The following SLC25A48 variants were observed in gnomAD, a reference collection of about 807,000 sequenced individuals.
SLC25A48 encodes CTC-321K16.1.
In SLC25A48, 29 loss-of-function variants were observed where a neutral mutation model predicts 32.2. That is an observed-to-expected ratio of 0.90 (90% confidence interval 0.67 to 1.23). SLC25A48 has a LOEUF of 1.23. Among genes scored for constraint, SLC25A48 ranks in the 50% most tolerant of loss-of-function variants. The pLI is 0.00. For missense variants in SLC25A48, 399 were observed against 422.7 expected (o/e 0.94, Z 0.49); for synonymous variants, 164 against 172.3 (o/e 0.95, Z 0.38).
intron 4 of SLC25A48, among the ~76,000 whole-genome samples, chr5:135,819,316 T>C (rs1319344561): frequency 2.6e-5 from 4 of 152,120 alleles, no homozygotes; most frequent in Non-Finnish European, 5.9e-5. Context: ...CTGTTACCAC[T>C]TACAAAGCTT....
At chr5:135,776,833 C>T (rs1343072965) in intron 3 of SLC25A48, among the ~76,000 whole-genome samples, 3 of 151,632 alleles carry the variant, frequency 2.0e-5, no homozygotes, top group Admixed American at 2.0e-4. Context: ...TCATACTACT[C>T]CCAATATCAA....
At chr5:135,794,545 G>A (rs963899712) in intron 3 of SLC25A48, among the ~76,000 whole-genome samples, 9 of 151,796 alleles carry the variant, frequency 5.9e-5, no homozygotes, top group East Asian at 1.9e-4. Flanking sequence ...CAGGGGAAAA[G>A]AAGATGATAT....
intron 3 of SLC25A48, among the ~76,000 whole-genome samples, chr5:135,852,094 G>C (rs1245856791): frequency 6.6e-6 from 1 of 152,202 alleles, no homozygotes; most frequent in East Asian, 1.9e-4. Flanking sequence ...CCCAGATTAT[G>C]AGCTCAGTGA....
intron 3 of SLC25A48, among the ~76,000 whole-genome samples, chr5:135,687,879 T>TC (rs1382136354): frequency 6.6e-6 from 1 of 152,202 alleles, no homozygotes; most frequent in Non-Finnish European, 1.5e-5. Context: ...GGGTCTTTTT[T>TC]CCCAATTATT....
intron 3 of SLC25A48, among the ~76,000 whole-genome samples, chr5:135,737,052 C>A (rs564269663): frequency 6.6e-6 from 1 of 152,158 alleles, no homozygotes; most frequent in African/African-American, 2.4e-5. Flanking sequence ...ATTGATCTCC[C>A]GAGGGAGGTC....
At chr5:135,634,273 G>A (rs1293050723) in intron 2 of SLC25A48, among the ~76,000 whole-genome samples, 2 of 152,200 alleles carry the variant, frequency 1.3e-5, no homozygotes, top group Non-Finnish European at 2.9e-5. Context: ...GGTCCATCCT[G>A]CAACCCAGTG....
chr5:135,650,328 G>C (rs1356706770), intron 3 of SLC25A48: 2 of 440,720 alleles, frequency 4.5e-6, no homozygotes, highest in Non-Finnish European at 9.1e-6. Flanking sequence ...TACACTCCAA[G>C]CTCACTTAGT....
At chr5:135,858,518 G>A (rs1760518915) in intron 4 of SLC25A48, among the ~76,000 whole-genome samples, 4 of 152,222 alleles carry the variant, frequency 2.6e-5, no homozygotes, top group Admixed American at 1.3e-4. Flanking sequence ...AATGCTAGGA[G>A]CTTGGCATAT....
At chr5:135,835,180 C>G (rs1758392814) in intron 1 of SLC25A48, 2 of 640,774 alleles carry the variant, frequency 3.1e-6, no homozygotes, top group Admixed American at 2.1e-5. Context: ...TCAAAGCCCA[C>G]AGCCAATGGA....
intron 3 of SLC25A48, among the ~76,000 whole-genome samples, chr5:135,787,159 C>T (rs1212320786): frequency 1.3e-5 from 2 of 151,348 alleles, no homozygotes; most frequent in African/African-American, 2.4e-5. Flanking sequence ...TGATATTATT[C>T]ATATAATTAC....
At chr5:135,625,638 A>C (rs1327458287) in intron 1 of SLC25A48, among the ~76,000 whole-genome samples, 3 of 152,146 alleles carry the variant, frequency 2.0e-5, no homozygotes, top group Non-Finnish European at 1.5e-5. Flanking sequence ...TTTGGTATGC[A>C]TCTGCTCCCA....
intron 3 of SLC25A48, among the ~76,000 whole-genome samples, chr5:135,666,225 G>A (rs1175402843): frequency 1.3e-5 from 2 of 152,124 alleles, no homozygotes; most frequent in Non-Finnish European, 2.9e-5. Flanking sequence ...CCACAAAGTG[G>A]GGGAAACAGC....
chr5:135,637,208 T>C (rs964653463), intron 3 of SLC25A48, among the ~76,000 whole-genome samples: 6 of 152,148 alleles, frequency 3.9e-5, no homozygotes, highest in African/African-American at 1.4e-4. Flanking sequence ...GTTCTGAAAA[T>C]GGTGAAACAA....
intron 3 of SLC25A48, among the ~76,000 whole-genome samples, chr5:135,767,386 T>C (rs1756269986): frequency 6.6e-6 from 1 of 151,958 alleles, no homozygotes; most frequent in African/African-American, 2.4e-5. Context: ...ACTCCCCATA[T>C]TGCGGGCGGT....
At chr5:135,842,282 T>G in intron 1 of SLC25A48, 134 bp from the exon 2 acceptor site, 1 of 857,856 alleles carries the variant, frequency 1.2e-6, no homozygotes, top group Non-Finnish European at 2.0e-6. Context: ...GCCTAGCACA[T>G]TGGAGCCCAC....
intron 3 of SLC25A48, among the ~76,000 whole-genome samples, chr5:135,798,209 G>A (rs1436014515): frequency 6.6e-6 from 1 of 151,626 alleles, no homozygotes; most frequent in Non-Finnish European, 1.5e-5. Flanking sequence ...CTAGGGTGGG[G>A]AGAAGATAAC....
At chr5:135,748,513 A>T (rs563796767) in intron 3 of SLC25A48, among the ~76,000 whole-genome samples, 1 of 152,114 alleles carries the variant, frequency 6.6e-6, no homozygotes, top group South Asian at 2.1e-4. Context: ...ACCTCAGTTG[A>T]TCCGCCTGCC....
chr5:135,798,420 A>T (rs918585388), intron 3 of SLC25A48, among the ~76,000 whole-genome samples: 34 of 151,742 alleles, frequency 2.2e-4, no homozygotes, highest in Non-Finnish European at 2.8e-4. Flanking sequence ...TATTGTTTGT[A>T]ATATCCAGAA....
chr5:135,636,917 C>A (rs1185654879), intron 3 of SLC25A48, among the ~76,000 whole-genome samples: 1 of 152,174 alleles, frequency 6.6e-6, no homozygotes, highest in Non-Finnish European at 1.5e-5. Context: ...AGGAGGAACT[C>A]CCCAACTTCT....
Sources: allele counts gnomAD v4.1 joint callset (sites outside exome capture counted in the v4.1 genomes callset), GRCh38; gene constraint gnomAD v4.1.1; transcripts MANE v1.5; gene names NCBI Gene and HGNC (gene_info 2026-07-23, HGNC 2026-07-21).